TET3: variants seen among roughly 807,000 people sequenced by gnomAD.
TET3 encodes the protein methylcytosine dioxygenase TET3.
In TET3, 19 loss-of-function variants were observed where a neutral mutation model predicts 141.4. The ratio of observed to expected loss-of-function variants is 0.13; its 90% confidence interval spans 0.09 to 0.20. The LOEUF (loss-of-function observed/expected upper bound fraction) is 0.20, where lower values mean the gene tolerates loss of function less well. Ranked by LOEUF, TET3 falls within the 10% of genes least tolerant of loss-of-function variation. TET3 has a pLI of 1.00. For missense variants in TET3, 1,874 were observed against 2,356.9 expected, an observed-to-expected ratio of 0.80 and a Z score of 4.24; for synonymous variants, 1,043 against 980.9, an observed-to-expected ratio of 1.06 and a Z score of -1.18.
At chr2:74,076,827 C>T (rs1689542346) in intron 5 of TET3, among the ~76,000 whole-genome samples, 1 of 152,122 alleles carries the variant, frequency 6.6e-6, no homozygotes, top group South Asian at 2.1e-4. Context: ...CAGGAGTTGG[C>T]TGAAGGCAGG....
intron 3 of TET3, among the ~76,000 whole-genome samples, chr2:74,005,495 C>G (rs1685105866): frequency 6.6e-6 from 1 of 152,176 alleles, no homozygotes; most frequent in Admixed American, 6.5e-5. Flanking sequence ...CTGCAGTGTC[C>G]CACATACCCA....
At chr2:74,082,257 C>T (rs115316741) in intron 6 of TET3, among the ~76,000 whole-genome samples, 1,607 of 152,230 alleles carry the variant, frequency 0.011, 30 homozygotes, top group African/African-American at 0.036. Flanking sequence ...GGTCAGGGCT[C>T]GTGTGGCCCC....
chr2:74,037,895 G>A (rs1687151111), intron 3 of TET3, among the ~76,000 whole-genome samples: 2 of 152,232 alleles, frequency 1.3e-5, no homozygotes, highest in Admixed American at 1.3e-4. Flanking sequence ...AAGGATTTGG[G>A]AAACCTGGTG....
the TET3 span, among the ~76,000 whole-genome samples, chr2:74,122,677 C>CTT: frequency 2.4e-4 from 10 of 42,396 alleles, no homozygotes; most frequent in Non-Finnish European, 2.6e-4. Flanking sequence ...CTACACCTAG[C>CTT]TTTTTTTTTT....
At chr2:74,008,916 AC>A (rs934835710) in intron 3 of TET3, among the ~76,000 whole-genome samples, 2 of 152,190 alleles carry the variant, frequency 1.3e-5, no homozygotes, top group South Asian at 2.1e-4. Context: ...GGATTTCTCA[AC>A]CCCGCCTCCA....
intron 3 of TET3, among the ~76,000 whole-genome samples, chr2:74,026,570 G>A (rs572306811): frequency 6.6e-6 from 1 of 152,254 alleles, no homozygotes; most frequent in African/African-American, 2.4e-5. Context: ...TCTTTTAGTA[G>A]CAGAACTCCC....
chr2:74,095,084 G>A (rs575989070), intron 10 of TET3, among the ~76,000 whole-genome samples: 131 of 152,280 alleles, frequency 8.6e-4, no homozygotes, highest in Admixed American at 2.0e-3. Flanking sequence ...GCCAGGTTCT[G>A]GGCAGACAGG....
At chr2:74,003,312 CG>C (rs1684964256) in intron 3 of TET3, 146 bp downstream of exon 3, 4 of 847,912 alleles carry the variant, frequency 4.7e-6, no homozygotes, top group Admixed American at 5.7e-5. Flanking sequence ...GGAGGGGCGG[CG>C]GGGGTGTGGG....
rs752192332 is a variant in TET3, at chr2:74,084,455, CT to C, written c.2680-3360del. ...CAGCCTGGTAAGACCATGTCTCTCT[CT>C]TTTTTTTTTTTTTTGAGATGGAGTC... On this transcript the variant is annotated intron_variant, in intron 6 of 11. Coordinates refer to ENST00000409262, the MANE Select transcript of TET3 (RefSeq NM_001287491.2). Among the ~76,000 whole-genome samples the C allele has an allele frequency of 6.3e-3, 904 of 142,520 alleles. 5 individuals are homozygous for C. The highest frequency in any genetic ancestry group is 0.015 in the African/African-American group (592 of 39,248). 93.5% of individuals were successfully genotyped at this position (142,520 alleles called of 152,430 possible).
At chr2:74,130,036 A>G in the TET3 span, among the ~76,000 whole-genome samples, 1 of 150,390 alleles carries the variant, frequency 6.6e-6, no homozygotes, top group Admixed American at 6.8e-5. Flanking sequence ...CAGAGGTTGC[A>G]GTGAGCGGAG....
At chr2:73,984,718 C>A (rs1683906305), upstream of TET3, among the ~76,000 whole-genome samples, 1 of 151,370 alleles carries the variant, frequency 6.6e-6, no homozygotes, top group Non-Finnish European at 1.5e-5. The surrounding 1 kb of genome is among the most constrained non-coding windows in gnomAD (Gnocchi z 5.6). Flanking sequence ...AGAGAAGCGG[C>A]GGCCGGGCCG....
At chr2:73,989,287 C>G (rs958340278) in intron 2 of TET3, among the ~76,000 whole-genome samples, 1 of 152,070 alleles carries the variant, frequency 6.6e-6, no homozygotes, top group African/African-American at 2.4e-5. Context: ...GACGCAGTAT[C>G]CTAGGATCCT....
intron 2 of TET3, among the ~76,000 whole-genome samples, chr2:73,986,999 C>T (rs961689765): frequency 7.9e-5 from 12 of 152,192 alleles, no homozygotes; most frequent in African/African-American, 2.9e-4. Flanking sequence ...TGTCCTGCTG[C>T]TTGAAGCCTC....
intron 3 of TET3, among the ~76,000 whole-genome samples, chr2:74,034,633 G>A (rs1397491292): frequency 6.7e-6 from 1 of 150,248 alleles, no homozygotes; most frequent in Non-Finnish European, 1.5e-5. Context: ...TGTTCCTGTG[G>A]CTCATTCATT....
At chr2:74,083,909 A>G (rs1165478766) in intron 6 of TET3, among the ~76,000 whole-genome samples, 2 of 152,166 alleles carry the variant, frequency 1.3e-5, no homozygotes, top group African/African-American at 4.8e-5. Flanking sequence ...AGTTGACCAT[A>G]GTGCCTCGCA....
intron 3 of TET3, among the ~76,000 whole-genome samples, chr2:74,037,620 T>G (rs191653086): frequency 6.6e-6 from 1 of 152,344 alleles, no homozygotes; most frequent in East Asian, 1.9e-4. Flanking sequence ...GCTACTGGGC[T>G]CTGAAGGTTG....
intron 3 of TET3, among the ~76,000 whole-genome samples, chr2:74,021,385 A>G (rs775183972): frequency 1.4e-4 from 21 of 152,352 alleles, no homozygotes; most frequent in Non-Finnish European, 2.2e-4. Context: ...GCTTTAGCCC[A>G]CCCGTTGGAC....
intron 3 of TET3, among the ~76,000 whole-genome samples, chr2:74,018,737 C>T (rs35015888): frequency 0.069 from 9,787 of 142,162 alleles, 376 homozygotes; most frequent in African/African-American, 0.1. Flanking sequence ...TTAAAACATA[C>T]TTCTTACTTT....
chr2:74,095,335 A>G (rs1346159903), intron 10 of TET3, among the ~76,000 whole-genome samples: 1 of 152,200 alleles, frequency 6.6e-6, no homozygotes, highest in East Asian at 1.9e-4. Context: ...CCACAGTGTT[A>G]GAGAGACGAA....
Sources: gnomAD v4.1 joint callset for allele counts (sites outside exome capture counted in the v4.1 genomes callset) on GRCh38, gnomAD v4.1.1 for gene constraint, Gnocchi (gnomAD v3.1) non-coding constraint, MANE v1.5 for transcripts, NCBI Gene and HGNC (gene_info 2026-07-23, HGNC 2026-07-21) for gene names.